Variants in SLCO3A1 observed in about 807,000 individuals in gnomAD.
SLCO3A1 encodes the protein solute carrier organic anion transporter family member 3A1, also known as PGE1 transporter.
A neutral mutation model predicts 63.1 loss-of-function variants in SLCO3A1; 27 were observed. That is an observed-to-expected ratio of 0.43 (90% confidence interval 0.32 to 0.59). SLCO3A1 has a LOEUF of 0.59. SLCO3A1 is among the 20% of genes least tolerant of loss of function. The pLI, the probability that SLCO3A1 is intolerant of heterozygous loss-of-function variation, is 0.09. For missense variants in SLCO3A1, 773 were observed against 945.8 expected, an observed-to-expected ratio of 0.82 and a Z score of 2.40; for synonymous variants, 473 against 409.9, an observed-to-expected ratio of 1.15 and a Z score of -1.86.
At chr15:91,958,499 G>A (rs1900321431) in intron 2 of SLCO3A1, among the ~76,000 whole-genome samples, 2 of 152,186 alleles carry the variant, frequency 1.3e-5, no homozygotes, top group African/African-American at 2.4e-5. Flanking sequence ...CTTCCTGTCT[G>A]ATCCTTCATT....
intron 2 of SLCO3A1, among the ~76,000 whole-genome samples, chr15:91,938,967 C>T (rs548930181): frequency 5.9e-5 from 9 of 152,140 alleles, no homozygotes; most frequent in East Asian, 1.9e-4. Context: ...GTTGTGCCCC[C>T]CTCTGGGCTC....
At chr15:92,128,521 G>A in intron 7 of SLCO3A1, 32 bp downstream of exon 7, 2 of 1,576,278 alleles carry the variant, frequency 1.3e-6, no homozygotes, top group East Asian at 2.3e-5. Context: ...TGGGGCAGGG[G>A]ATTCAGGCAG....
intron 4 of SLCO3A1, among the ~76,000 whole-genome samples, chr15:92,109,535 A>T (rs1596109370): frequency 6.6e-6 from 1 of 152,158 alleles, no homozygotes; most frequent in Non-Finnish European, 1.5e-5. Flanking sequence ...GTGTAACCGC[A>T]CCAGAGGTTT....
intron 5 of SLCO3A1, among the ~76,000 whole-genome samples, chr15:92,121,185 C>G (rs1344529446): frequency 1.3e-5 from 2 of 152,174 alleles, no homozygotes; most frequent in African/African-American, 2.4e-5. Context: ...CTAAAGAAAA[C>G]CAGTTTGCAC....
chr15:92,044,101 T>A (rs1180515825), intron 2 of SLCO3A1, among the ~76,000 whole-genome samples: 1 of 152,124 alleles, frequency 6.6e-6, no homozygotes, highest in Non-Finnish European at 1.5e-5. Flanking sequence ...TTATACGAAT[T>A]CTTAGGATCT....
At position 91,854,738 on chromosome 15, in the gene SLCO3A1, T is replaced by G. The variant is rs1455298826; in HGVS notation, c.180+650T>G. On this transcript the variant is annotated intron_variant, in intron 1 of 9. Coordinates refer to ENST00000318445, the MANE Select transcript of SLCO3A1 (RefSeq NM_013272.4). This position sits in a 1 kb window ranked among gnomAD's most constrained non-coding sequence, Gnocchi z 6.4. ...GGTACCTAGAGAGCAGCTGCGAGTT[T>G]GTGTAGTTCCTGCTATCCACTCTTA... Among the ~76,000 whole-genome samples the G allele has an allele frequency of 6.6e-6, 1 of 152,200 alleles. No homozygotes were observed. Among genetic ancestry groups the G allele is most frequent in the African/African-American group, 2.4e-5 (1 of 41,456 alleles).
chr15:91,986,354 G>C (rs903636897), intron 2 of SLCO3A1, among the ~76,000 whole-genome samples: 1 of 152,180 alleles, frequency 6.6e-6, no homozygotes, highest in African/African-American at 2.4e-5. Flanking sequence ...GGAAGTGGCT[G>C]TGGGTGCCTA....
At chr15:91,971,792 G>T (rs968046172) in intron 2 of SLCO3A1, among the ~76,000 whole-genome samples, 1 of 152,134 alleles carries the variant, frequency 6.6e-6, no homozygotes, top group Non-Finnish European at 1.5e-5. Context: ...ACCTAACCCT[G>T]TATTTCCCCT....
At chr15:91,880,095 G>A (rs1897516892) in intron 1 of SLCO3A1, among the ~76,000 whole-genome samples, 1 of 130,434 alleles carries the variant, frequency 7.7e-6, no homozygotes, top group African/African-American at 2.9e-5. Context: ...CTGCTTGTAT[G>A]TGTGTCCGTC....
intron 2 of SLCO3A1, among the ~76,000 whole-genome samples, chr15:91,962,873 C>A (rs1282293946): frequency 6.6e-6 from 1 of 152,168 alleles, no homozygotes; most frequent in Admixed American, 6.5e-5. Flanking sequence ...TGGAAAACAT[C>A]GCCAGACCAA....
intron 2 of SLCO3A1, among the ~76,000 whole-genome samples, chr15:92,031,065 A>G (rs75897851): frequency 0.022 from 3,409 of 151,792 alleles, 133 homozygotes; most frequent in African/African-American, 0.076. Flanking sequence ...TGTTTCATCA[A>G]TGTTGCCAAT....
At chr15:92,008,401 A>G (rs919549105) in intron 2 of SLCO3A1, among the ~76,000 whole-genome samples, 1 of 152,214 alleles carries the variant, frequency 6.6e-6, no homozygotes, top group Non-Finnish European at 1.5e-5. Context: ...TGCTGTAAAA[A>G]CAGAATCATA....
intron 2 of SLCO3A1, among the ~76,000 whole-genome samples, chr15:91,939,224 A>G (rs1899527779): frequency 6.6e-6 from 1 of 152,126 alleles, no homozygotes; most frequent in African/African-American, 2.4e-5. Flanking sequence ...CCAAAACAGG[A>G]ACGAGAGAGA....
intron 5 of SLCO3A1, 49 bp downstream of exon 5, chr15:92,120,678 T>C: frequency 6.4e-7 from 1 of 1,552,080 alleles, no homozygotes; most frequent in Non-Finnish European, 8.8e-7. Context: ...GGGTGTCCTG[T>C]GTGTAAGGCA....
intron 2 of SLCO3A1, among the ~76,000 whole-genome samples, chr15:92,074,844 GT>G (rs2047258542): frequency 6.6e-6 from 1 of 152,164 alleles, no homozygotes; most frequent in Non-Finnish European, 1.5e-5. Flanking sequence ...CTTCCTCCCT[GT>G]GCTGAGTGTA....
At chr15:92,151,967 T>C (rs2048311350) in intron 9 of SLCO3A1, among the ~76,000 whole-genome samples, 2 of 152,366 alleles carry the variant, frequency 1.3e-5, no homozygotes, top group East Asian at 3.9e-4. Flanking sequence ...AGTTATGGTC[T>C]ATAATCGCAG....
At chr15:91,866,874 C>T (rs1052294875) in intron 1 of SLCO3A1, among the ~76,000 whole-genome samples, 1 of 152,094 alleles carries the variant, frequency 6.6e-6, no homozygotes, top group Admixed American at 6.6e-5. Context: ...AAGCATTGGG[C>T]CAGGGTGGGA....
chr15:92,067,353 G>T (rs1309516820), intron 2 of SLCO3A1, among the ~76,000 whole-genome samples: 1 of 152,198 alleles, frequency 6.6e-6, no homozygotes, highest in Non-Finnish European at 1.5e-5. Context: ...GGGCTGCCTT[G>T]CCCTCACCTC....
At chr15:91,975,082 C>T (rs1332998364) in intron 2 of SLCO3A1, among the ~76,000 whole-genome samples, 4 of 152,114 alleles carry the variant, frequency 2.6e-5, no homozygotes, top group Non-Finnish European at 5.9e-5. Flanking sequence ...TGATTTAGTG[C>T]AAATAAAGTG....
Sources: gnomAD v4.1 joint callset for allele counts (sites outside exome capture counted in the v4.1 genomes callset) on GRCh38, gnomAD v4.1.1 for gene constraint, Gnocchi (gnomAD v3.1) non-coding constraint, MANE v1.5 for transcripts, NCBI Gene and HGNC (gene_info 2026-07-23, HGNC 2026-07-21) for gene names.